TSG101: variants seen among roughly 807,000 people sequenced by gnomAD.
TSG101 encodes tumor susceptibility 101, also known as tumor susceptibility gene 101 protein.
TSG101 carries 19 observed loss-of-function variants against 48.5 expected under a neutral mutation model. The observed-to-expected ratio is 0.39, with a 90% CI of 0.27 to 0.58. The LOEUF is 0.58. Among genes scored for constraint, TSG101 ranks in the 20% least tolerant of loss-of-function variants. The pLI is 0.55. For synonymous variants in TSG101, 174 were observed against 169.4 expected (o/e 1.03, Z -0.21); for missense variants, 365 against 484.4 (o/e 0.75, Z 2.31).
At chr11:18,482,104 G>GT (rs1316775284) in intron 8 of TSG101, among the ~76,000 whole-genome samples, 3 of 152,224 alleles carry the variant, frequency 2.0e-5, no homozygotes, top group Admixed American at 1.3e-4. Context: ...TTCAGTGACA[G>GT]TAACAAGCTT....
At position 18,524,129 on chromosome 11, in the gene TSG101, T is replaced by C. The variant is rs147983858; in HGVS notation, c.42+2646A>G. 7.3e-3 allele frequency among the ~76,000 whole-genome samples: 1,112 copies of C among 152,314 alleles called. 8 individuals are homozygous for C. The highest frequency in any genetic ancestry group is 0.025 in the African/African-American group (1,053 of 41,560). On this transcript the variant is annotated intron_variant, in intron 1 of 9. Transcript: ENST00000251968. Reference sequence around the variant, plus strand: ...CTACTCATTTAGCAGTGACTGTGCCTCTAGAAATGCTGTAGATAAACTATG... The same window carrying C: ...CTACTCATTTAGCAGTGACTGTGCCCCTAGAAATGCTGTAGATAAACTATG...
chr11:18,517,851 C>T (rs771046061), intron 2 of TSG101, among the ~76,000 whole-genome samples: 2 of 152,202 alleles, frequency 1.3e-5, no homozygotes, highest in East Asian at 1.9e-4. Context: ...TTACTGTTGA[C>T]GAATGTAAGC....
intron 4 of TSG101, among the ~76,000 whole-genome samples, chr11:18,511,738 CATA>C (rs779683847): frequency 2.6e-4 from 40 of 152,260 alleles, no homozygotes; most frequent in Non-Finnish European, 4.4e-4. Context: ...CATCTAATTC[CATA>C]ATATTTTCAT....
At chr11:18,494,957 T>C (rs141054027) in intron 7 of TSG101, among the ~76,000 whole-genome samples, 41 of 152,354 alleles carry the variant, frequency 2.7e-4, no homozygotes, top group African/African-American at 5.5e-4. Flanking sequence ...TTCCTTTCTT[T>C]ATCTAAATAT....
chr11:18,526,840 C>A lies in TSG101; in HGVS notation c.-24G>T. On this transcript the variant is annotated 5_prime_UTR_variant, in exon 1 of 10. Transcript: ENST00000251968. ...ATGACGGCCGCCTGGCGACTCCCTT[C>A]CCCGCAGGCAGAGGGTCAGCCGCTG... 1 of 1,597,952 alleles carries A rather than the reference C, an allele frequency of 6.3e-7. No individual in the cohort carries two copies. Among genetic ancestry groups the A allele is most frequent in the Non-Finnish European group, 8.5e-7 (1 of 1,177,918 alleles).
rs551640071 is a variant in TSG101, at chr11:18,516,058, T to A, written c.193+41A>T. The A allele has an allele frequency of 1.1e-4, 165 of 1,565,042 alleles. 1 individual carries two copies. The South Asian group carries it at 1.8e-3, about 18-fold the overall frequency. Reference sequence around the variant, plus strand: ...TCTTTGGCAACATATTTATTATGTATTCAAAATGCATCTATGCTGGAAACC... The same window carrying A: ...TCTTTGGCAACATATTTATTATGTAATCAAAATGCATCTATGCTGGAAACC... On this transcript the variant is annotated intron_variant, in intron 3 of 9. Transcript: ENST00000251968.
At chr11:18,487,656 G>A (rs1412368787) in intron 7 of TSG101, among the ~76,000 whole-genome samples, 2 of 152,098 alleles carry the variant, frequency 1.3e-5, no homozygotes, top group African/African-American at 4.8e-5. Flanking sequence ...ATGAGCCACT[G>A]TGCCTGGCAT....
At chr11:18,482,304 T>C (rs1849552843) in intron 8 of TSG101, among the ~76,000 whole-genome samples, 1 of 152,222 alleles carries the variant, frequency 6.6e-6, no homozygotes, top group Non-Finnish European at 1.5e-5. Context: ...GTCTGCATTC[T>C]AATCACAAAG....
At chr11:18,500,430 C>T (rs1849869815) in intron 7 of TSG101, among the ~76,000 whole-genome samples, 1 of 152,144 alleles carries the variant, frequency 6.6e-6, no homozygotes, top group Non-Finnish European at 1.5e-5. Context: ...CTTTAATTTA[C>T]ATTCCCACCA....
At chr11:18,511,981 C>T (rs1850091469) in intron 4 of TSG101, among the ~76,000 whole-genome samples, 1 of 152,172 alleles carries the variant, frequency 6.6e-6, no homozygotes, top group African/African-American at 2.4e-5. Flanking sequence ...TTCATTCATA[C>T]ATTCTTACAG....
chr11:18,506,832 T>C (rs750963017), intron 6 of TSG101, 25 bp downstream of exon 6: 1 of 1,540,098 alleles, frequency 6.5e-7, no homozygotes, highest in South Asian at 1.3e-5. Context: ...GTAATACAAT[T>C]ATTCAAAAGA....
At chr11:18,509,340 C>T (rs976501621) in intron 5 of TSG101, among the ~76,000 whole-genome samples, 5 of 152,248 alleles carry the variant, frequency 3.3e-5, no homozygotes, top group African/African-American at 1.2e-4. Flanking sequence ...TCTTAGATTT[C>T]TACCTACAAA....
In TSG101 at chr11:18,514,819, T is replaced by C; in HGVS notation, c.216A>G (p.Ile72Met). 18 of 1,561,806 alleles carry C rather than the reference T, an allele frequency of 1.2e-5. No homozygotes were observed. The highest frequency in any genetic ancestry group is 1.5e-5 in the Non-Finnish European group (18 of 1,163,360). Residue 72 changes from isoleucine to methionine, a missense_variant, in exon 4 of 10, where the codon ATA becomes ATG. Ile to Met is a conservative substitution (Grantham distance 10, BLOSUM62 1). Transcript: ENST00000251968. ...GGTATGTGTCCAGTAGCCATAGGCA[T>C]ATTGGAATATTGTATGTATTACCTG... ...PYRGNTYNIP[I>M]CLWLLDTYPY... is the part of the protein sequence containing the mutation.
intron 8 of TSG101, among the ~76,000 whole-genome samples, chr11:18,483,509 A>T (rs1410935949): frequency 1.4e-5 from 2 of 147,026 alleles, no homozygotes; most frequent in Admixed American, 6.8e-5. Context: ...AAAAAAAAAA[A>T]AAGGAGTGCC....
chr11:18,522,786 C>T (rs1030781295), intron 1 of TSG101, among the ~76,000 whole-genome samples: 3 of 152,220 alleles, frequency 2.0e-5, no homozygotes, highest in African/African-American at 7.2e-5. Context: ...AGTCTAGCCA[C>T]CATACCCTCC....
chr11:18,499,905 T>A (rs1229318786), intron 7 of TSG101, among the ~76,000 whole-genome samples: 1 of 152,168 alleles, frequency 6.6e-6, no homozygotes, highest in African/African-American at 2.4e-5. Flanking sequence ...CATTGTTAAC[T>A]ATAGTCACCC....
chr11:18,493,674 T>C (rs11024682), intron 7 of TSG101, among the ~76,000 whole-genome samples: 2,908 of 152,276 alleles, frequency 0.019, 87 homozygotes, highest in African/African-American at 0.067. Flanking sequence ...ACCATCTATT[T>C]AGAAACTAGA....
At chr11:18,503,370 A>T (rs1362781918) in intron 6 of TSG101, among the ~76,000 whole-genome samples, 5 of 130,826 alleles carry the variant, frequency 3.8e-5, no homozygotes, top group South Asian at 4.9e-4. Context: ...TTCAGGTTAA[A>T]TTTTTTTTTT....
At chr11:18,483,419 C>A (rs1404406448) in intron 8 of TSG101, among the ~76,000 whole-genome samples, 3 of 150,810 alleles carry the variant, frequency 2.0e-5, no homozygotes, top group Non-Finnish European at 4.4e-5. Flanking sequence ...TCGCTTGAAC[C>A]TGGAGGGTGG....
Sources: allele counts gnomAD v4.1 joint callset (sites outside exome capture counted in the v4.1 genomes callset), GRCh38; gene constraint gnomAD v4.1.1; transcripts MANE v1.5; gene names NCBI Gene and HGNC (gene_info 2026-07-23, HGNC 2026-07-21).